CCSER1: variants seen among roughly 807,000 people sequenced by gnomAD.
CCSER1 encodes the protein coiled-coil serine rich protein 1, also known as serine-rich coiled-coil domain-containing protein 1.
A neutral mutation model predicts 82.0 loss-of-function variants in CCSER1; 41 were observed. The ratio of observed to expected loss-of-function variants is 0.50; its 90% confidence interval spans 0.39 to 0.65. The LOEUF (loss-of-function observed/expected upper bound fraction) is 0.65, where lower values mean the gene tolerates loss of function less well. CCSER1 is among the 30% of genes least tolerant of loss of function. The pLI, the probability that CCSER1 is intolerant of heterozygous loss-of-function variation, is 0.00. For synonymous variants in CCSER1, 414 were observed against 383.9 expected (o/e 1.08, Z -0.92); for missense variants, 1,119 against 1,064.2 (o/e 1.05, Z -0.72).
chr4:90,162,494 C>T (rs1835518), intron 1 of CCSER1, among the ~76,000 whole-genome samples: 42,915 of 151,554 alleles, frequency 0.28, 7,622 homozygotes, highest in East Asian at 0.64. Context: ...TAAAAGTTAA[C>T]GTAACATAAT....
intron 10 of CCSER1, among the ~76,000 whole-genome samples, chr4:91,582,059 G>C (rs1763753392): frequency 6.6e-6 from 1 of 151,700 alleles, no homozygotes; most frequent in South Asian, 2.1e-4. Context: ...GTCATGAATA[G>C]AATCTAATTT....
At chr4:90,709,947 T>G (rs1328761804) in intron 6 of CCSER1, among the ~76,000 whole-genome samples, 3 of 22,310 alleles carry the variant, frequency 1.3e-4, no homozygotes, top group Non-Finnish European at 3.0e-4. Context: ...CCAGCATCTG[T>G]TTTTTTTTTT....
intron 5 of CCSER1, among the ~76,000 whole-genome samples, chr4:90,511,386 C>G (rs1382154673): frequency 2.0e-5 from 3 of 152,100 alleles, no homozygotes; most frequent in Non-Finnish European, 1.5e-5. Context: ...CCACTGCACT[C>G]CAACCTGGTG....
chr4:90,199,949 G>A (rs1737343164), intron 1 of CCSER1, among the ~76,000 whole-genome samples: 1 of 151,834 alleles, frequency 6.6e-6, no homozygotes, highest in Non-Finnish European at 1.5e-5. Flanking sequence ...AAGAGTTAAG[G>A]TTCCAATTTA....
intron 10 of CCSER1, among the ~76,000 whole-genome samples, chr4:91,261,066 C>T (rs1741094359): frequency 1.3e-5 from 2 of 152,068 alleles, no homozygotes; most frequent in Admixed American, 1.3e-4. Flanking sequence ...CCCGGCTTCC[C>T]TAGGAAGTTT....
At chr4:90,635,833 T>G (rs1258756860) in intron 6 of CCSER1, among the ~76,000 whole-genome samples, 1 of 151,816 alleles carries the variant, frequency 6.6e-6, no homozygotes, top group African/African-American at 2.4e-5. Flanking sequence ...TTACCCTGAT[T>G]TAATCACTCC....
intron 1 of CCSER1, among the ~76,000 whole-genome samples, chr4:90,161,128 C>T (rs1158454106): frequency 6.6e-6 from 1 of 152,154 alleles, no homozygotes; most frequent in Non-Finnish European, 1.5e-5. Flanking sequence ...GGTGGACTTA[C>T]TGTATGTAAA....
rs556316333 is a variant in CCSER1 at position 90,216,906 on chromosome 4, C to T, written c.-42+89075C>T. ...CAATTTTAACAATGATTGATTCTTC[C>T]GACCCTTGAACATGGGATGTTTTCC... On this transcript the variant is annotated intron_variant, in intron 1 of 10. Coordinates refer to ENST00000509176, the MANE Select transcript of CCSER1 (RefSeq NM_001145065.2). Among the ~76,000 whole-genome samples, 8 of 152,226 alleles carry T rather than the reference C, an allele frequency of 5.3e-5. No homozygotes were observed. The South Asian group carries it at 1.0e-3, about 20-fold the overall frequency.
intron 6 of CCSER1, among the ~76,000 whole-genome samples, chr4:90,631,168 C>T (rs1437689073): frequency 6.6e-6 from 1 of 152,114 alleles, no homozygotes; most frequent in Non-Finnish European, 1.5e-5. Flanking sequence ...GCTGGGACTA[C>T]AGGCATGAGC....
At chr4:90,776,236 A>T (rs1752874524) in intron 7 of CCSER1, among the ~76,000 whole-genome samples, 2 of 152,194 alleles carry the variant, frequency 1.3e-5, no homozygotes, top group South Asian at 4.1e-4. Context: ...AGTCTGTAAT[A>T]CACTGGCAAA....
intron 9 of CCSER1, among the ~76,000 whole-genome samples, chr4:90,980,933 G>T (rs1255201112): frequency 1.3e-5 from 2 of 151,756 alleles, no homozygotes; most frequent in African/African-American, 4.8e-5. Flanking sequence ...TTGGTGCCCT[G>T]CCCATAGTCC....
At chr4:91,028,675 A>C (rs11931504) in intron 9 of CCSER1, among the ~76,000 whole-genome samples, 11 of 151,500 alleles carry the variant, frequency 7.3e-5, no homozygotes, top group South Asian at 2.1e-4. Flanking sequence ...GTTTCTTTAG[A>C]GCTTGTTAAC....
intron 3 of CCSER1, among the ~76,000 whole-genome samples, chr4:90,318,908 A>G (rs1736622302): frequency 6.6e-6 from 1 of 152,206 alleles, no homozygotes; most frequent in South Asian, 2.1e-4. Flanking sequence ...AGATAAGGTT[A>G]AACATTATCT....
At chr4:91,424,140 C>T (rs1046954332) in intron 10 of CCSER1, among the ~76,000 whole-genome samples, 9 of 150,960 alleles carry the variant, frequency 6.0e-5, no homozygotes, top group African/African-American at 2.2e-4. Flanking sequence ...CCTCAGCCTC[C>T]CGAGTAGCTG....
intron 10 of CCSER1, among the ~76,000 whole-genome samples, chr4:91,530,350 AT>A (rs139752351): frequency 0.055 from 8,373 of 152,082 alleles, 246 homozygotes; most frequent in Middle Eastern, 0.078. Context: ...TGGAAAATAA[AT>A]TTTAGTTTTA....
chr4:90,686,764 T>G (rs1734880162), intron 6 of CCSER1, among the ~76,000 whole-genome samples: 1 of 152,134 alleles, frequency 6.6e-6, no homozygotes, highest in Non-Finnish European at 1.5e-5. Context: ...AAAAGGGTAA[T>G]TAACCACTAA....
intron 3 of CCSER1, among the ~76,000 whole-genome samples, chr4:90,354,279 C>T (rs1363837817): frequency 6.6e-6 from 1 of 151,872 alleles, no homozygotes; most frequent in Non-Finnish European, 1.5e-5. Flanking sequence ...CAGTGTTTAC[C>T]AGCAGATTAG....
chr4:91,438,233 C>T (rs922065281), intron 10 of CCSER1, among the ~76,000 whole-genome samples: 1 of 152,230 alleles, frequency 6.6e-6, no homozygotes, highest in South Asian at 2.1e-4. Flanking sequence ...AGGCACCCCC[C>T]AGTAGGGGCA....
intron 9 of CCSER1, among the ~76,000 whole-genome samples, chr4:91,045,059 G>T (rs1325741759): frequency 6.6e-6 from 1 of 152,038 alleles, no homozygotes; most frequent in Non-Finnish European, 1.5e-5. Flanking sequence ...GGAGACAGAG[G>T]GTTGTATCTT....
Sources: allele counts gnomAD v4.1 joint callset (sites outside exome capture counted in the v4.1 genomes callset), GRCh38; gene constraint gnomAD v4.1.1; transcripts MANE v1.5; gene names NCBI Gene and HGNC (gene_info 2026-07-23, HGNC 2026-07-21).